ASIC2: variants seen among roughly 807,000 people sequenced by gnomAD.
The protein encoded by ASIC2 is acid-sensing ion channel 2.
ASIC2 carries 25 observed loss-of-function variants against 57.3 expected under a neutral mutation model. That is an observed-to-expected ratio of 0.44 (90% CI 0.32 to 0.61). The LOEUF (loss-of-function observed/expected upper bound fraction) is 0.61. Ranked by LOEUF, ASIC2 falls within the 20% of genes least tolerant of loss-of-function variation. The pLI is 0.06. For missense variants in ASIC2, 641 were observed against 738.1 expected (o/e 0.87, Z 1.52); for synonymous variants, 319 against 307.5 (o/e 1.04, Z -0.39).
chr17:33,875,062 T>C (rs1364183694), intron 1 of ASIC2, among the ~76,000 whole-genome samples: 3 of 152,154 alleles, frequency 2.0e-5, no homozygotes, highest in Non-Finnish European at 2.9e-5. Context: ...ACTGGAGCTA[T>C]TCACCTGGAG....
intron 1 of ASIC2, among the ~76,000 whole-genome samples, chr17:33,733,260 A>G (rs1230337607): frequency 3.3e-5 from 5 of 152,140 alleles, no homozygotes; most frequent in Admixed American, 3.3e-4. Context: ...ACTCCTAACT[A>G]AAAGCCTGGC....
rs545876862 is a variant in ASIC2 at position 33,153,966 on chromosome 17, C to T, written c.709-41899G>A. Among the ~76,000 whole-genome samples, 5 of 152,266 alleles carry T rather than the reference C, an allele frequency of 3.3e-5. No individual in the cohort carries two copies. In the South Asian group the frequency reaches 1.0e-3, roughly 32 times the overall value. ...CTGGCAAATCACAGTTTGACTTCTC[C>T]CCACTCTGCTTATCCTGTTTCCTTC... On this transcript the variant is annotated intron_variant, in intron 1 of 9. Coordinates refer to ENST00000225823, the MANE Select transcript of ASIC2 (RefSeq NM_183377.2).
At chr17:33,606,299 C>A (rs546321246) in intron 1 of ASIC2, among the ~76,000 whole-genome samples, 1 of 152,294 alleles carries the variant, frequency 6.6e-6, no homozygotes, top group South Asian at 2.1e-4. Flanking sequence ...TCTTTTTAGA[C>A]CTCAGTTCCC....
At chr17:33,413,525 C>A (rs534230602) in intron 1 of ASIC2, among the ~76,000 whole-genome samples, 7 of 152,226 alleles carry the variant, frequency 4.6e-5, no homozygotes, top group Non-Finnish European at 8.8e-5. Context: ...ACCAGGACTA[C>A]GCTGATAGCC....
intron 1 of ASIC2, among the ~76,000 whole-genome samples, chr17:33,432,186 C>G (rs1457667373): frequency 6.6e-6 from 1 of 152,204 alleles, no homozygotes; most frequent in Non-Finnish European, 1.5e-5. Context: ...TCCTCCTCCT[C>G]CACAGTCTAC....
chr17:33,939,760 G>A (rs940261349), intron 1 of ASIC2, among the ~76,000 whole-genome samples: 2 of 152,214 alleles, frequency 1.3e-5, no homozygotes, highest in Admixed American at 6.5e-5. Flanking sequence ...GTTGCCCACG[G>A]CAGAGCAGGG....
At chr17:33,691,739 C>G (rs541514771) in intron 1 of ASIC2, among the ~76,000 whole-genome samples, 1 of 152,230 alleles carries the variant, frequency 6.6e-6, no homozygotes, top group South Asian at 2.1e-4. Context: ...TCTCTTCTCC[C>G]ATGGCTTCCA....
At chr17:33,888,067 A>G (rs1306041549) in intron 1 of ASIC2, among the ~76,000 whole-genome samples, 3 of 152,172 alleles carry the variant, frequency 2.0e-5, no homozygotes, top group Admixed American at 6.5e-5. Context: ...TGCTGACCAC[A>G]TTAAATGCAT....
intron 1 of ASIC2, among the ~76,000 whole-genome samples, chr17:33,339,975 A>C (rs1653620853): frequency 6.6e-6 from 1 of 151,950 alleles, no homozygotes; most frequent in African/African-American, 2.4e-5. Context: ...TGATTCATTA[A>C]CTCCAACTGC....
intron 1 of ASIC2, among the ~76,000 whole-genome samples, chr17:33,883,716 C>T (rs950478366): frequency 3.9e-5 from 6 of 152,248 alleles, no homozygotes; most frequent in African/African-American, 1.2e-4. Flanking sequence ...ATCACATTCC[C>T]TTCTCCCTGC....
intron 1 of ASIC2, among the ~76,000 whole-genome samples, chr17:33,553,573 C>A (rs2015936922): frequency 6.6e-6 from 1 of 152,002 alleles, no homozygotes; most frequent in South Asian, 2.1e-4. Flanking sequence ...TGGGCTTGAG[C>A]AATCCTCCCA....
chr17:34,067,510 C>G (rs1263654071), intron 1 of ASIC2, among the ~76,000 whole-genome samples: 1 of 152,006 alleles, frequency 6.6e-6, no homozygotes, highest in Non-Finnish European at 1.5e-5. Context: ...ATTGGAATAG[C>G]TTTTTTAAAG....
At chr17:33,674,839 C>G (rs1907763105) in intron 1 of ASIC2, among the ~76,000 whole-genome samples, 1 of 152,190 alleles carries the variant, frequency 6.6e-6, no homozygotes, top group South Asian at 2.1e-4. Context: ...AGAAGTCTGT[C>G]TTAGGCCCTG....
chr17:33,573,745 T>C (rs1410413602), intron 1 of ASIC2, among the ~76,000 whole-genome samples: 4 of 152,154 alleles, frequency 2.6e-5, no homozygotes, highest in Admixed American at 6.5e-5. Flanking sequence ...TTTGTATTTT[T>C]AACAGAGACA....
chr17:34,082,846 A>G (rs57884212), intron 1 of ASIC2, among the ~76,000 whole-genome samples: 3,876 of 152,314 alleles, frequency 0.025, 160 homozygotes, highest in African/African-American at 0.077. Flanking sequence ...TGCTTACAGT[A>G]AAAGACAGTT....
chr17:33,697,824 C>T (rs1287161400), intron 1 of ASIC2, among the ~76,000 whole-genome samples: 1 of 152,178 alleles, frequency 6.6e-6, no homozygotes, highest in South Asian at 2.1e-4. Flanking sequence ...TATAGCAATA[C>T]CATGAAAAGA....
At chr17:33,961,284 C>A (rs1445804578) in intron 1 of ASIC2, among the ~76,000 whole-genome samples, 1 of 152,196 alleles carries the variant, frequency 6.6e-6, no homozygotes, top group Non-Finnish European at 1.5e-5. Context: ...CTTCAGGACA[C>A]AGTTATGCTG....
intron 1 of ASIC2, among the ~76,000 whole-genome samples, chr17:33,930,378 T>A (rs1228549459): frequency 1.3e-5 from 2 of 152,220 alleles, no homozygotes; most frequent in Non-Finnish European, 2.9e-5. Context: ...CACCTGTAGC[T>A]TGTTCTTATT....
chr17:33,833,462 G>A (rs1446014762), intron 1 of ASIC2, among the ~76,000 whole-genome samples: 2 of 152,046 alleles, frequency 1.3e-5, no homozygotes, highest in Non-Finnish European at 2.9e-5. Context: ...GATAGTATAC[G>A]CTGTTTTAAT....
Sources: allele counts gnomAD v4.1 joint callset (sites outside exome capture counted in the v4.1 genomes callset), GRCh38; gene constraint gnomAD v4.1.1; transcripts MANE v1.5; gene names NCBI Gene and HGNC (gene_info 2026-07-23, HGNC 2026-07-21).